The following LCORL variants were observed in gnomAD, a reference collection of about 807,000 sequenced individuals.
LCORL encodes the protein ligand dependent nuclear receptor corepressor like.
Under a neutral mutation model 141.8 loss-of-function variants are expected in LCORL, and 41 were observed. The ratio of observed to expected loss-of-function variants is 0.29; its 90% CI spans 0.23 to 0.38. The LOEUF is 0.38. LCORL is among the 10% of genes least tolerant of loss of function. The pLI is 1.00. For missense variants in LCORL, 1,759 were observed against 2,035.0 expected (o/e 0.86, Z 2.61); for synonymous variants, 618 against 694.1 (o/e 0.89, Z 1.72).
intron 5 of LCORL, among the ~76,000 whole-genome samples, chr4:17,886,912 C>A (rs994544433): frequency 6.6e-6 from 1 of 151,956 alleles, no homozygotes; most frequent in Non-Finnish European, 1.5e-5. Context: ...TAAAAATAAA[C>A]CATGAATTTA....
At chr4:17,964,569 C>T (rs953582991) in intron 2 of LCORL, among the ~76,000 whole-genome samples, 3 of 151,972 alleles carry the variant, frequency 2.0e-5, no homozygotes, top group Non-Finnish European at 2.9e-5. Flanking sequence ...CAAAAAGTTT[C>T]AACATTCTAT....
chr4:18,015,291 G>A (rs1221000382), intron 1 of LCORL, among the ~76,000 whole-genome samples: 6 of 152,106 alleles, frequency 3.9e-5, no homozygotes, highest in Admixed American at 2.6e-4. Flanking sequence ...TGCACAAAGA[G>A]GGCATCACAC....
chr4:17,911,337 T>TA (rs1343810609), intron 4 of LCORL, among the ~76,000 whole-genome samples: 1 of 152,060 alleles, frequency 6.6e-6, no homozygotes, highest in Non-Finnish European at 1.5e-5. Context: ...ACGCATATTA[T>TA]AAAAAACCTA....
At chr4:17,948,625 T>C (rs1176976882) in intron 4 of LCORL, among the ~76,000 whole-genome samples, 1 of 151,976 alleles carries the variant, frequency 6.6e-6, no homozygotes, top group Non-Finnish European at 1.5e-5. Flanking sequence ...CACTATGATG[T>C]GAGAGCCTGA....
chr4:17,913,219 C>T (rs990414202), intron 4 of LCORL, among the ~76,000 whole-genome samples: 3 of 152,180 alleles, frequency 2.0e-5, no homozygotes, highest in African/African-American at 7.2e-5. Context: ...CGGACGTTAG[C>T]TTACACAATT....
Position 17,882,013 on chromosome 4 carries a change from G to A in LCORL, c.777-3800C>T, listed in dbSNP as rs909472141. On this transcript the variant is annotated intron_variant, in intron 6 of 7. Coordinates refer to ENST00000635767, the Ensembl canonical transcript of LCORL. ...AAAAAAAGAGGATTCATACCCTAGT[G>A]TGCAGGTAACATTAATAGCTGAAGA... 7 of 978,924 alleles carry A rather than the reference G, an allele frequency of 7.2e-6. No individual in the cohort carries two copies. In the East Asian group the frequency reaches 8.0e-4, roughly 112 times the overall value. The allele number at this position is 978,924 out of a possible 1,614,324, so 60.6% of individuals were successfully genotyped here.
At chr4:17,908,881 G>A (rs751248279) in intron 5 of LCORL, among the ~76,000 whole-genome samples, 2 of 151,956 alleles carry the variant, frequency 1.3e-5, no homozygotes, top group Non-Finnish European at 1.5e-5. Context: ...ATTGCAAAAG[G>A]AGTTGAGAGC....
chr4:17,873,347 A>G (rs1726576290), intron 7 of LCORL, 41 bp downstream of exon 7: 1 of 1,166,670 alleles, frequency 8.6e-7, no homozygotes, highest in South Asian at 4.3e-5. Context: ...TACTCAAGGC[A>G]CCTACAATGA....
intron 2 of LCORL, among the ~76,000 whole-genome samples, chr4:17,968,059 T>C (rs1231685431): frequency 6.6e-6 from 1 of 152,098 alleles, no homozygotes; most frequent in Non-Finnish European, 1.5e-5. Context: ...GGTTTCACCA[T>C]GTTGGCCAGG....
intron 4 of LCORL, among the ~76,000 whole-genome samples, chr4:17,920,049 C>T (rs1734047486): frequency 6.6e-6 from 1 of 152,236 alleles, no homozygotes; most frequent in East Asian, 1.9e-4. Flanking sequence ...CATCGGTATC[C>T]TCTGTAATAT....
intron 1 of LCORL, among the ~76,000 whole-genome samples, chr4:18,003,167 T>C (rs1722245717): frequency 6.6e-6 from 1 of 152,124 alleles, no homozygotes; most frequent in South Asian, 2.1e-4. Context: ...GCAGAAGTCA[T>C]TAAAGGTTGA....
Position 17,874,481 on chromosome 4 carries a change from A to G in LCORL, c.4509T>C (p.Asn1503=), listed in dbSNP as rs1343070098. 4 of 1,233,788 alleles carry G rather than the reference A, an allele frequency of 3.2e-6. No individual in the cohort carries two copies. In the African/African-American group the frequency reaches 6.2e-5, roughly 19 times the overall value. The allele number at this position is 1,233,788 out of a possible 1,614,324, so 76.4% of individuals were successfully genotyped here. A position where few individuals can be genotyped will look rare whatever the true frequency, so the allele number is the denominator to read the frequency against. The change falls in exon 7 of 8, where the codon AAT becomes AAC. Residue 1503 remains asparagine, a synonymous_variant. Coordinates refer to ENST00000635767, the Ensembl canonical transcript of LCORL. ...TTTGCATAAACCAAGTACAGAGTTC[A>G]TTCAAATCATACTTTTTCTGAAAAA...
intron 4 of LCORL, among the ~76,000 whole-genome samples, chr4:17,941,442 G>C (rs978942330): frequency 6.6e-6 from 1 of 151,626 alleles, no homozygotes; most frequent in Non-Finnish European, 1.5e-5. Flanking sequence ...CTGGGCAACA[G>C]AGTGAGACTC....
intron 7 of LCORL, among the ~76,000 whole-genome samples, chr4:17,859,918 C>T (rs184577740): frequency 8.8e-4 from 134 of 152,138 alleles, no homozygotes; most frequent in Non-Finnish European, 1.5e-3. Context: ...TATGGCTAAC[C>T]GGAGAGGTGA....
intron 1 of LCORL, among the ~76,000 whole-genome samples, chr4:18,015,264 A>G (rs1401471302): frequency 6.6e-6 from 1 of 152,192 alleles, no homozygotes; most frequent in Non-Finnish European, 1.5e-5. Flanking sequence ...ATGTAGCCAA[A>G]CAAGGGATGT....
intron 4 of LCORL, among the ~76,000 whole-genome samples, chr4:17,931,743 T>C (rs1375631819): frequency 6.6e-6 from 1 of 152,136 alleles, no homozygotes; most frequent in Non-Finnish European, 1.5e-5. Context: ...TTTTTGTGAA[T>C]GTTCCATGTA....
intron 1 of LCORL, among the ~76,000 whole-genome samples, chr4:17,996,114 T>C (rs1309471848): frequency 6.6e-6 from 1 of 152,080 alleles, no homozygotes; most frequent in Non-Finnish European, 1.5e-5. Context: ...ACAATTCAAA[T>C]GTGTGAACCA....
At chr4:17,885,407 T>A (rs1728132733) in intron 6 of LCORL, among the ~76,000 whole-genome samples, 1 of 151,970 alleles carries the variant, frequency 6.6e-6, no homozygotes, top group Non-Finnish European at 1.5e-5. Context: ...CAAATACTAC[T>A]ACAGCCGTAG....
At chr4:17,930,924 G>A (rs1237891336) in intron 4 of LCORL, among the ~76,000 whole-genome samples, 3 of 152,146 alleles carry the variant, frequency 2.0e-5, no homozygotes, top group African/African-American at 7.2e-5. Context: ...GATCTTAGAA[G>A]TTTTGGTAAA....
Sources: gnomAD v4.1 joint callset for allele counts (sites outside exome capture counted in the v4.1 genomes callset) on GRCh38, gnomAD v4.1.1 for gene constraint, MANE v1.5 for transcripts, NCBI Gene and HGNC (gene_info 2026-07-23, HGNC 2026-07-21) for gene names.